Variants in NCOA3 observed in about 807,000 individuals in gnomAD.
NCOA3 encodes CBP-interacting protein.
In NCOA3, 51 loss-of-function variants were observed where a neutral mutation model predicts 158.8. That is an observed-to-expected ratio of 0.32 (90% CI 0.26 to 0.41). The LOEUF is 0.41. Ranked by LOEUF, NCOA3 falls within the 10% of genes least tolerant of loss-of-function variation. The pLI, the probability that NCOA3 is intolerant of heterozygous loss-of-function variation, is 1.00. For missense variants in NCOA3, 1,510 were observed against 1,746.6 expected (o/e 0.86, Z 2.41); for synonymous variants, 537 against 592.4 (o/e 0.91, Z 1.36).
intron 8 of NCOA3, chr20:47,630,994 A>G (rs2086405885): frequency 6.6e-6 from 1 of 152,238 alleles, no homozygotes; most frequent in Non-Finnish European, 1.5e-5. Flanking sequence ...GGAGCTTCCT[A>G]TGAAGTCTGC....
intron 19 of NCOA3, among the ~76,000 whole-genome samples, chr20:47,650,184 T>C (rs1284125444): frequency 6.6e-6 from 1 of 151,958 alleles, no homozygotes; most frequent in Admixed American, 6.6e-5. Context: ...TGTTGTCTTT[T>C]GTCTTTTAAC....
At chr20:47,509,448 AGT>A (rs1003592637) in intron 1 of NCOA3, among the ~76,000 whole-genome samples, 3 of 152,070 alleles carry the variant, frequency 2.0e-5, no homozygotes, top group Non-Finnish European at 4.4e-5. Flanking sequence ...ACTGGGTAAA[AGT>A]GTGTGTGTGT....
At chr20:47,535,983 G>A (rs892696395) in intron 1 of NCOA3, among the ~76,000 whole-genome samples, 3 of 152,124 alleles carry the variant, frequency 2.0e-5, no homozygotes, top group South Asian at 2.1e-4. Context: ...GCTGGCTGGC[G>A]CTGCTGGTGT....
In NCOA3 at chr20:47,627,067, C is replaced by T; in HGVS notation, c.423C>T (p.Val141=). 1.9e-6 allele frequency: 3 copies of T among 1,613,048 alleles called. No individual in the cohort carries two copies. The South Asian group carries it at 3.3e-5, about 18-fold the overall frequency. Reference sequence around the variant, plus strand: ...ACATTGTATTTGTATCAGAAAATGTCACACAATACCTGCAATATAAGCAAG... The same window carrying T: ...ACATTGTATTTGTATCAGAAAATGTTACACAATACCTGCAATATAAGCAAG... ...DGNIVFVSEN[V]TQYLQYKQED... The change falls in exon 6 of 23, where the codon GTC becomes GTT. Residue 141 remains valine (V), a synonymous_variant. Transcript: ENST00000371998.
chr20:47,517,857 A>G (rs2084261040), intron 1 of NCOA3, among the ~76,000 whole-genome samples: 1 of 152,160 alleles, frequency 6.6e-6, no homozygotes, highest in South Asian at 2.1e-4. Context: ...ACTGAATAAA[A>G]ACATTTAAAT....
At chr20:47,540,351 A>ACC in intron 1 of NCOA3, among the ~76,000 whole-genome samples, 1 of 152,092 alleles carries the variant, frequency 6.6e-6, no homozygotes, top group Non-Finnish European at 1.5e-5. Context: ...ATGAGGGTGG[A>ACC]TCATCTGAGG....
intron 1 of NCOA3, among the ~76,000 whole-genome samples, chr20:47,522,687 T>C (rs1031363978): frequency 3.3e-5 from 5 of 150,618 alleles, no homozygotes; most frequent in Non-Finnish European, 7.4e-5. Context: ...AATATGCAAA[T>C]GCAGGGGCGC....
intron 2 of NCOA3, among the ~76,000 whole-genome samples, chr20:47,584,449 G>C (rs2085502051): frequency 1.3e-5 from 2 of 151,928 alleles, no homozygotes; most frequent in South Asian, 4.1e-4. Context: ...GTGAAGCTCC[G>C]TCTCTACTAA....
At chr20:47,533,104 CAAAAAAAAAAAA>C (rs11344209) in intron 1 of NCOA3, among the ~76,000 whole-genome samples, 1 of 39,716 alleles carries the variant, frequency 2.5e-5, no homozygotes, top group Non-Finnish European at 4.3e-5. Context: ...GACTCTGTCT[CAAAAAAAAAAAA>C]AAAAAAAAAA....
intron 1 of NCOA3, among the ~76,000 whole-genome samples, chr20:47,545,741 G>A (rs554058528): frequency 1.8e-3 from 277 of 151,432 alleles, no homozygotes; most frequent in Admixed American, 2.5e-3. Flanking sequence ...TGGAGACACG[G>A]TCTCGGTCTG....
chr20:47,511,064 G>T (rs1298370918), intron 1 of NCOA3, among the ~76,000 whole-genome samples: 2 of 151,884 alleles, frequency 1.3e-5, no homozygotes, highest in Non-Finnish European at 2.9e-5. Flanking sequence ...AACAAAGTTT[G>T]TGACCTCCAA....
At position 47,636,008 on chromosome 20, in the gene NCOA3, T is replaced by G; in HGVS notation, c.1622T>G (p.Leu541Arg). The change falls in exon 12 of 23, where the codon CTG (leucine) becomes CGG (arginine). Residue 541 changes from leucine (L) to arginine (R), a missense_variant. Leu to Arg is a moderately radical substitution (Grantham distance 102). Coordinates refer to ENST00000371998, the MANE Select transcript of NCOA3 (RefSeq NM_181659.3). ...EGVGTSLLSTLSSPGPKLDNS... is the reference protein window; with the variant it reads ...EGVGTSLLSTRSSPGPKLDNS... ...GTGGGGACTTCCCTTTTATCTACTCTGTCATCACCAGGCCCCAAATTGGAT... is the reference window on the plus strand; with the variant it reads ...GTGGGGACTTCCCTTTTATCTACTCGGTCATCACCAGGCCCCAAATTGGAT... The G allele has an allele frequency of 6.2e-7, 1 of 1,614,184 alleles. No homozygotes were observed.
rs2085505252 is a variant in NCOA3, at chr20:47,584,604, A to G, written c.-20+1343A>G. Among the ~76,000 whole-genome samples the G allele has an allele frequency of 2.7e-5, 4 of 147,936 alleles. No individual in the cohort carries two copies. In the South Asian group the frequency reaches 8.7e-4, roughly 32 times the overall value. Reference sequence around the variant, plus strand: ...TACAGCACTCCAGCCTGGGCAACAGAGTGAGACTTCATCTCAAAAAAAAAA... The same window carrying G: ...TACAGCACTCCAGCCTGGGCAACAGGGTGAGACTTCATCTCAAAAAAAAAA... On this transcript the variant is annotated intron_variant, in intron 2 of 22. Transcript: ENST00000371998.
chr20:47,609,320 C>T (rs1352708688), intron 2 of NCOA3, among the ~76,000 whole-genome samples: 1 of 152,110 alleles, frequency 6.6e-6, no homozygotes, highest in Non-Finnish European at 1.5e-5. Context: ...TCTTAAGATA[C>T]TTGGTGAAGT....
chr20:47,571,272 G>A (rs1054827728), intron 1 of NCOA3, among the ~76,000 whole-genome samples: 3 of 150,466 alleles, frequency 2.0e-5, no homozygotes, highest in Admixed American at 2.0e-4. Flanking sequence ...CCCAAAGTAC[G>A]GGGATTACAG....
At chr20:47,516,773 T>C (rs1350262388) in intron 1 of NCOA3, among the ~76,000 whole-genome samples, 1 of 151,204 alleles carries the variant, frequency 6.6e-6, no homozygotes, top group Non-Finnish European at 1.5e-5. Context: ...AGTACAAAAA[T>C]AAAATTAGCC....
chr20:47,652,527 C>T lies in NCOA3; in HGVS notation c.4068C>T (p.Ile1356=), dbSNP rs1452010645. 1.2e-6 allele frequency: 2 copies of T among 1,613,942 alleles called. No homozygotes were observed. Among genetic ancestry groups the T allele is most frequent in the Non-Finnish European group, 1.7e-6 (2 of 1,179,806 alleles). ...TGCAACACCCGCAGGCTGCATCCAT[C>T]TATCAGTCCTCAGAAATGAAGGGCT... The part of the protein sequence containing the change: ...PMMQHPQAAS[I]YQSSEMKGWP... The change falls in exon 21 of 23, where the codon ATC becomes ATT. Residue 1356 remains isoleucine (I), a synonymous_variant. Transcript: ENST00000371998.
intron 1 of NCOA3, among the ~76,000 whole-genome samples, chr20:47,572,482 G>C (rs1414513941): frequency 6.6e-6 from 1 of 151,722 alleles, no homozygotes; most frequent in Non-Finnish European, 1.5e-5. Context: ...CTAGCTTTCA[G>C]CCTCAGCTTT....
intron 20 of NCOA3, 79 bp from the exon 21 acceptor site, chr20:47,652,327 A>T: frequency 2.9e-6 from 4 of 1,374,024 alleles, no homozygotes; most frequent in Non-Finnish European, 4.0e-6. Flanking sequence ...TAAAAAAAAA[A>T]CAAAATTACT....
Sources: allele counts gnomAD v4.1 joint callset (sites outside exome capture counted in the v4.1 genomes callset), GRCh38; gene constraint gnomAD v4.1.1; transcripts MANE v1.5; gene names NCBI Gene and HGNC (gene_info 2026-07-23, HGNC 2026-07-21).